Variants in BCAS3 observed in about 807,000 individuals in gnomAD.
BCAS3 encodes BCAS4/BCAS3 fusion.
A neutral mutation model predicts 116.1 loss-of-function variants in BCAS3; 53 were observed. That is an observed-to-expected ratio of 0.46 (90% CI 0.37 to 0.57). BCAS3 has a LOEUF of 0.57. BCAS3 is among the 20% of genes least tolerant of loss of function. The pLI, the probability that BCAS3 is intolerant of heterozygous loss-of-function variation, is 0.00. For synonymous variants in BCAS3, 391 were observed against 408.2 expected, an observed-to-expected ratio of 0.96 and a Z score of 0.51; for missense variants, 917 against 1,165.4, an observed-to-expected ratio of 0.79 and a Z score of 3.10.
intron 22 of BCAS3, among the ~76,000 whole-genome samples, chr17:61,247,644 C>G (rs912089824): frequency 6.6e-6 from 1 of 152,182 alleles, no homozygotes; most frequent in South Asian, 2.1e-4. Context: ...TATTGCCGAC[C>G]ACAGCTGCTC....
intron 14 of BCAS3, among the ~76,000 whole-genome samples, chr17:60,972,955 G>C (rs543227674): frequency 6.6e-6 from 1 of 152,212 alleles, no homozygotes; most frequent in Admixed American, 6.5e-5. Context: ...TCTTCGTCTT[G>C]AGACTTTTTA....
chr17:61,184,625 A>G (rs1290079797), intron 22 of BCAS3, among the ~76,000 whole-genome samples: 1 of 152,204 alleles, frequency 6.6e-6, no homozygotes, highest in Non-Finnish European at 1.5e-5. Flanking sequence ...CAAGAGAATG[A>G]AAATCAGTGT....
chr17:61,335,627 C>T (rs1265271993), intron 22 of BCAS3, among the ~76,000 whole-genome samples: 1 of 152,092 alleles, frequency 6.6e-6, no homozygotes, highest in Non-Finnish European at 1.5e-5. Flanking sequence ...TGCAATGGCT[C>T]ATCCTAGCAC....
At chr17:60,819,277 T>G (rs1285675348) in intron 7 of BCAS3, among the ~76,000 whole-genome samples, 1 of 152,210 alleles carries the variant, frequency 6.6e-6, no homozygotes, top group African/African-American at 2.4e-5. Context: ...AATACAATTT[T>G]AAAACACATG....
At chr17:61,193,892 GGATTGCTT>G (rs1306035972) in intron 22 of BCAS3, among the ~76,000 whole-genome samples, 1 of 152,046 alleles carries the variant, frequency 6.6e-6, no homozygotes, top group Non-Finnish European at 1.5e-5. Flanking sequence ...TGAAGTGGGC[GGATTGCTT>G]GAGGTCAGGA....
rs1431442111 is a variant in BCAS3 at position 61,181,887 on chromosome 17, A to G, written c.2425+97323A>G. 1.3e-5 allele frequency among the ~76,000 whole-genome samples: 2 copies of G among 149,598 alleles called. No individual in the cohort carries two copies. Among genetic ancestry groups the G allele is most frequent in the African/African-American group, 2.5e-5 (1 of 40,586 alleles). On this transcript the variant is annotated intron_variant, in intron 22 of 23. Coordinates refer to ENST00000407086, the MANE Select transcript of BCAS3 (RefSeq NM_017679.5). The surrounding 1 kb of genome is among the most constrained non-coding windows in gnomAD (Gnocchi z 5.0). Reference sequence around the variant, plus strand: ...TGCTTTTTCCTTCTTTTTTTTTTTAATCTTGAGACACGGTCTCACTCCGCT... The same window carrying G: ...TGCTTTTTCCTTCTTTTTTTTTTTAGTCTTGAGACACGGTCTCACTCCGCT...
intron 13 of BCAS3, among the ~76,000 whole-genome samples, chr17:60,931,252 TA>T (rs2059628029): frequency 6.6e-6 from 1 of 152,022 alleles, no homozygotes; most frequent in East Asian, 1.9e-4. Flanking sequence ...CAAGGAACTT[TA>T]AAAAAAATTA....
chr17:60,951,404 G>A (rs1395453915), intron 14 of BCAS3, among the ~76,000 whole-genome samples: 2 of 151,956 alleles, frequency 1.3e-5, no homozygotes, highest in Non-Finnish European at 2.9e-5. Flanking sequence ...ACATTTTGGA[G>A]GTAAATTTTA....
chr17:60,817,530 A>G (rs2049538660), intron 7 of BCAS3, among the ~76,000 whole-genome samples: 1 of 152,216 alleles, frequency 6.6e-6, no homozygotes. Flanking sequence ...ATCATAGACT[A>G]TTGGAAGTGG....
chr17:60,829,784 A>G (rs907666599), intron 7 of BCAS3, among the ~76,000 whole-genome samples: 2 of 152,200 alleles, frequency 1.3e-5, no homozygotes, highest in African/African-American at 4.8e-5. Context: ...TTTATTGCCA[A>G]TATATGAAAT....
rs535812571 is a variant in BCAS3 at position 60,723,033 on chromosome 17, G to A, written c.321+13708G>A. Among the ~76,000 whole-genome samples the A allele has an allele frequency of 4.6e-5, 7 of 152,154 alleles. No individual in the cohort carries two copies. The East Asian group carries it at 7.7e-4, about 17-fold the overall frequency. ...TCCAGCCTGGGCGACACAGGACACAGCAAGACCCTATTTCAAAAAATGCTT... is the reference window on the plus strand; with the variant it reads ...TCCAGCCTGGGCGACACAGGACACAACAAGACCCTATTTCAAAAAATGCTT... On this transcript the variant is annotated intron_variant, in intron 5 of 23. Coordinates refer to ENST00000407086, the MANE Select transcript of BCAS3 (RefSeq NM_017679.5).
intron 22 of BCAS3, among the ~76,000 whole-genome samples, chr17:61,260,690 T>G (rs1004056667): frequency 6.6e-6 from 1 of 152,246 alleles, no homozygotes; most frequent in Non-Finnish European, 1.5e-5. Flanking sequence ...TGCAGCAGAC[T>G]GCTTTCTCAC....
chr17:60,927,817 CTAAA>C (rs2059441398), intron 13 of BCAS3, among the ~76,000 whole-genome samples: 1 of 151,964 alleles, frequency 6.6e-6, no homozygotes, highest in African/African-American at 2.4e-5. Flanking sequence ...ATATAATTCT[CTAAA>C]TATTGCTTAT....
At chr17:60,911,123 CTTTTTTT>C (rs1162942971) in intron 12 of BCAS3, among the ~76,000 whole-genome samples, 1 of 88,256 alleles carries the variant, frequency 1.1e-5, no homozygotes, top group Non-Finnish European at 2.0e-5. Context: ...TTTTTTCTTT[CTTTTTTT>C]TTTTTTTTTT....
intron 22 of BCAS3, among the ~76,000 whole-genome samples, chr17:61,335,309 C>T (rs2056632680): frequency 6.6e-6 from 1 of 152,182 alleles, no homozygotes; most frequent in Non-Finnish European, 1.5e-5. Flanking sequence ...AGGGCACACT[C>T]GCAATGTGTC....
chr17:61,164,601 A>C (rs973666839), intron 22 of BCAS3, among the ~76,000 whole-genome samples: 3 of 152,156 alleles, frequency 2.0e-5, no homozygotes, highest in African/African-American at 7.2e-5. Flanking sequence ...TCGCAGAGTG[A>C]GATTCTGACT....
rs57701817 is a variant in BCAS3 at position 61,338,888 on chromosome 17, GAAAAAAAA to G, written c.2426-29418_2426-29411del. 4.9e-3 allele frequency among the ~76,000 whole-genome samples: 332 copies of G among 67,336 alleles called. 2 individuals are homozygous for G. The highest frequency in any genetic ancestry group is 8.0e-3 in the Non-Finnish European group (250 of 31,300). The allele number at this position is 67,336 out of a possible 152,430, so 44.2% of individuals were successfully genotyped here. On this transcript the variant is annotated intron_variant, in intron 22 of 23. Coordinates refer to ENST00000407086, the MANE Select transcript of BCAS3 (RefSeq NM_017679.5). ...GAAGCCTATCTGGTGCCCTTACTGGGAAAAAAAAAAAAAAAAAAAAAAAAAAAAGCAGA... is the reference window on the plus strand; with the variant it reads ...GAAGCCTATCTGGTGCCCTTACTGGGAAAAAAAAAAAAAAAAAAAAGCAGA...
intron 19 of BCAS3, among the ~76,000 whole-genome samples, chr17:61,049,483 G>A (rs2068639827): frequency 6.6e-6 from 1 of 151,428 alleles, no homozygotes; most frequent in African/African-American, 2.4e-5. Context: ...AGGGGTGGTG[G>A]GACAGAAGAA....
At chr17:60,743,508 G>C (rs1201951370) in intron 5 of BCAS3, among the ~76,000 whole-genome samples, 2 of 146,502 alleles carry the variant, frequency 1.4e-5, no homozygotes, top group Non-Finnish European at 3.0e-5. Flanking sequence ...GATAAAGTTT[G>C]CTAAAAAAAA....
Sources: allele counts gnomAD v4.1 joint callset (sites outside exome capture counted in the v4.1 genomes callset), GRCh38; gene constraint gnomAD v4.1.1; non-coding constraint Gnocchi (gnomAD v3.1); transcripts MANE v1.5; gene names NCBI Gene and HGNC (gene_info 2026-07-23, HGNC 2026-07-21).